Variants in SRBD1 observed in about 807,000 individuals in gnomAD.
SRBD1 encodes the protein S1 RNA binding domain 1, also known as S1 RNA-binding domain-containing protein 1.
SRBD1 carries 88 observed loss-of-function variants against 115.3 expected under a neutral mutation model. The observed-to-expected ratio is 0.76, with a 90% confidence interval of 0.64 to 0.91. The LOEUF (loss-of-function observed/expected upper bound fraction) is 0.91. Among genes scored for constraint, SRBD1 ranks in the 40% least tolerant of loss-of-function variants. The pLI is 0.00. For missense variants in SRBD1, 1,385 were observed against 1,177.4 expected, an observed-to-expected ratio of 1.18 and a Z score of -2.58; for synonymous variants, 509 against 407.7, an observed-to-expected ratio of 1.25 and a Z score of -2.99.
intron 14 of SRBD1, 93 bp from the exon 15 acceptor site, chr2:45,488,424 A>G: frequency 9.9e-7 from 1 of 1,005,442 alleles, no homozygotes; most frequent in Non-Finnish European, 1.5e-6. Context: ...CCAGAAAAAA[A>G]AAAATAACAG....
chr2:45,523,777 C>A (rs192312712), intron 14 of SRBD1, among the ~76,000 whole-genome samples: 13 of 151,836 alleles, frequency 8.6e-5, no homozygotes, highest in Non-Finnish European at 8.8e-5. Context: ...TATCAATTCA[C>A]AAACTCTTCC....
At chr2:45,418,914 G>C (rs1047997600) in intron 17 of SRBD1, among the ~76,000 whole-genome samples, 2 of 152,130 alleles carry the variant, frequency 1.3e-5, no homozygotes, top group Non-Finnish European at 2.9e-5. Flanking sequence ...AAGTGAGTTA[G>C]AAGAAGTTAT....
chr2:45,582,244 G>A (rs1673388149), intron 5 of SRBD1, among the ~76,000 whole-genome samples: 1 of 152,070 alleles, frequency 6.6e-6, no homozygotes, highest in Non-Finnish European at 1.5e-5. Flanking sequence ...GAACGCTACT[G>A]GACAGTTATT....
chr2:45,400,973 T>G (rs1159482237), intron 19 of SRBD1, among the ~76,000 whole-genome samples: 2 of 152,184 alleles, frequency 1.3e-5, no homozygotes, highest in South Asian at 2.1e-4. Flanking sequence ...AGAAACGTCA[T>G]GTGGGCTGTG....
Position 45,599,448 on chromosome 2 carries a change from C to G in SRBD1, c.648+1G>C. 1 of 1,611,944 alleles carries G rather than the reference C, an allele frequency of 6.2e-7. No individual in the cohort carries two copies. Among genetic ancestry groups the G allele is most frequent in the Non-Finnish European group, 8.5e-7 (1 of 1,178,818 alleles). ...AAGTGACAGAAAAAGGCTGCACATA[C>G]CTGTACCATGTCCCAATTCATTTCC... On this transcript the variant is annotated splice_donor_variant, in intron 4 of 20. Coordinates refer to ENST00000263736, the MANE Select transcript of SRBD1 (RefSeq NM_018079.5). LOFTEE classifies it high-confidence loss of function.
At chr2:45,557,989 T>C (rs1333095783) in intron 10 of SRBD1, among the ~76,000 whole-genome samples, 2 of 152,190 alleles carry the variant, frequency 1.3e-5, no homozygotes, top group Non-Finnish European at 2.9e-5. Context: ...CAAAGAAATA[T>C]GCTCTCCCAA....
At chr2:45,542,263 G>T (rs974863168) in intron 14 of SRBD1, among the ~76,000 whole-genome samples, 8 of 152,248 alleles carry the variant, frequency 5.3e-5, no homozygotes, top group Admixed American at 3.9e-4. Flanking sequence ...GCCTAGGCTC[G>T]GCCACAACTT....
intron 14 of SRBD1, among the ~76,000 whole-genome samples, chr2:45,496,040 A>G (rs770146432): frequency 6.6e-5 from 10 of 152,164 alleles, no homozygotes; most frequent in Non-Finnish European, 1.3e-4. Flanking sequence ...GATTATCTGT[A>G]TTTGTTTATA....
chr2:45,513,329 G>A lies in SRBD1; in HGVS notation c.1875-24998C>T, dbSNP rs1175724423. On this transcript the variant is annotated intron_variant, in intron 14 of 20. Transcript: ENST00000263736. ...CTCAAAAAAGATGTCCAGTTATAATGAGAATATATGGTATGTAGTCTAGTA... is the reference window on the plus strand; with the variant it reads ...CTCAAAAAAGATGTCCAGTTATAATAAGAATATATGGTATGTAGTCTAGTA... Among the ~76,000 whole-genome samples the A allele has an allele frequency of 2.6e-5, 4 of 151,618 alleles. 1 individual carries two copies. In the South Asian group the frequency reaches 8.3e-4, roughly 32 times the overall value.
intron 16 of SRBD1, among the ~76,000 whole-genome samples, chr2:45,427,308 C>T (rs917385261): frequency 3.3e-5 from 5 of 152,076 alleles, no homozygotes; most frequent in African/African-American, 1.2e-4. Context: ...GTGCTAAATG[C>T]CCCAAATAAA....
chr2:45,501,484 G>C (rs1468885376), intron 14 of SRBD1, among the ~76,000 whole-genome samples: 2 of 152,100 alleles, frequency 1.3e-5, no homozygotes, highest in Non-Finnish European at 2.9e-5. Context: ...GGTGAAGCAG[G>C]GCAAGGCATC....
At chr2:45,531,954 G>C (rs1176402203) in intron 14 of SRBD1, among the ~76,000 whole-genome samples, 1 of 151,792 alleles carries the variant, frequency 6.6e-6, no homozygotes, top group African/African-American at 2.4e-5. Context: ...ACTAAAGTTT[G>C]ATGACTTTTC....
At chr2:45,571,479 G>A (rs1314068486) in intron 9 of SRBD1, among the ~76,000 whole-genome samples, 3 of 104,214 alleles carry the variant, frequency 2.9e-5, no homozygotes, top group Admixed American at 1.4e-4. Flanking sequence ...GATTTCCAGA[G>A]TTACCAAGTT....
At chr2:45,422,119 TACAA>T (rs1358524332) in intron 16 of SRBD1, among the ~76,000 whole-genome samples, 3 of 151,948 alleles carry the variant, frequency 2.0e-5, no homozygotes, top group African/African-American at 7.3e-5. Context: ...AACACAAAAC[TACAA>T]ACAAACCGGA....
chr2:45,483,299 T>G (rs1458106647), intron 15 of SRBD1, among the ~76,000 whole-genome samples: 1 of 152,072 alleles, frequency 6.6e-6, no homozygotes, highest in East Asian at 1.9e-4. Flanking sequence ...ATAGAAAAAG[T>G]TAAGCATTAG....
intron 14 of SRBD1, among the ~76,000 whole-genome samples, chr2:45,520,734 G>T (rs1416457247): frequency 6.6e-6 from 1 of 152,138 alleles, no homozygotes; most frequent in East Asian, 1.9e-4. Context: ...GGGGTGGTCG[G>T]AGAGAAGAAT....
At chr2:45,604,133 T>C (rs958082998) in intron 2 of SRBD1, among the ~76,000 whole-genome samples, 1 of 151,938 alleles carries the variant, frequency 6.6e-6, no homozygotes, top group African/African-American at 2.4e-5. Flanking sequence ...TACAATAATC[T>C]CCTTAACTCA....
chr2:45,516,003 CTA>C (rs1405754370), intron 14 of SRBD1, among the ~76,000 whole-genome samples: 1 of 152,138 alleles, frequency 6.6e-6, no homozygotes, highest in Non-Finnish European at 1.5e-5. Flanking sequence ...TCTGTGTTAC[CTA>C]TGTTTTTCTT....
intron 14 of SRBD1, among the ~76,000 whole-genome samples, chr2:45,535,548 C>T (rs1178600349): frequency 6.6e-6 from 1 of 151,934 alleles, no homozygotes; most frequent in African/African-American, 2.4e-5. Context: ...CAAGCTTCCA[C>T]AATTTCTCAA....
Sources: gnomAD v4.1 joint callset for allele counts (sites outside exome capture counted in the v4.1 genomes callset) on GRCh38, gnomAD v4.1.1 for gene constraint, MANE v1.5 for transcripts, NCBI Gene and HGNC (gene_info 2026-07-23, HGNC 2026-07-21) for gene names.